Variants in ASB2 observed in about 807,000 individuals in gnomAD.
ASB2 encodes ankyrin repeat and SOCS box containing 2.
ASB2 carries 58 observed loss-of-function variants against 62.4 expected under a neutral mutation model. The ratio of observed to expected loss-of-function variants is 0.93; its 90% CI spans 0.75 to 1.16. ASB2 has a LOEUF of 1.16. Among genes scored for constraint, ASB2 ranks in the 50% most tolerant of loss-of-function variants. The pLI, the probability that ASB2 is intolerant of heterozygous loss-of-function variation, is 0.00. For missense variants in ASB2, 928 were observed against 887.9 expected (o/e 1.05, Z -0.57); for synonymous variants, 386 against 385.3 (o/e 1.00, Z -0.02).
chr14:93,938,998 C>G, intron 8 of ASB2, 110 bp downstream of exon 8: 1 of 991,932 alleles, frequency 1.0e-6, no homozygotes, highest in Non-Finnish European at 1.4e-6. Flanking sequence ...CTAGTCCACG[C>G]TGCTCCCAAG....
At chr14:93,962,998 C>G (rs911581981) in intron 2 of ASB2, among the ~76,000 whole-genome samples, 1 of 152,164 alleles carries the variant, frequency 6.6e-6, no homozygotes, top group East Asian at 1.9e-4. Flanking sequence ...CTGGAGTCTT[C>G]GTACTCTTTC....
At chr14:93,964,648 G>A in intron 1 of ASB2, 36 bp from the exon 2 acceptor site, 1 of 966,114 alleles carries the variant, frequency 1.0e-6, no homozygotes, top group Non-Finnish European at 1.6e-6. Flanking sequence ...GTCACGAACA[G>A]TTTTGCAGGA....
rs757501542 is a variant in ASB2 at position 93,937,831 on chromosome 14, G to A, written c.1638C>T (p.Ala546=). The A allele has an allele frequency of 1.1e-5, 17 of 1,601,972 alleles. No homozygotes were observed. The South Asian group carries it at 1.8e-4, about 17-fold the overall frequency. ...GCCCCGCCCAGCGGCTCACCTCTGG[G>A]GCAGATACGAACTCACAGAACTGAA... ...SVVQFCEFVS[A]PEVSRWAGPI... The change falls in exon 9 of 10, where the codon GCC becomes GCT. Residue 546 remains alanine (A), a synonymous_variant. Coordinates refer to ENST00000555019, the MANE Select transcript of ASB2 (RefSeq NM_001202429.2).
rs1479134109 is a variant in ASB2 at position 93,964,676 on chromosome 14, A to G, written c.-73-64T>C. The G allele has an allele frequency of 1.3e-5, 10 of 746,316 alleles. No homozygotes were observed. The African/African-American group carries it at 1.7e-4, about 13-fold the overall frequency. 46.2% of individuals were successfully genotyped at this position (746,316 alleles called of 1,614,324 possible). A position where few individuals can be genotyped will look rare whatever the true frequency, so the allele number is the denominator to read the frequency against. On this transcript the variant is annotated intron_variant, in intron 1 of 9. Coordinates refer to ENST00000555019, the MANE Select transcript of ASB2 (RefSeq NM_001202429.2). ...TTGCAGGATAGCTATATTTACCCTC[A>G]GGGAAGGGTATGCATTTCACTGACA...
intron 8 of ASB2, 43 bp from the exon 9 acceptor site, chr14:93,937,894 C>A (rs968352743): frequency 6.4e-7 from 1 of 1,552,538 alleles, no homozygotes; most frequent in Non-Finnish European, 8.8e-7. Flanking sequence ...GTTCATCCCA[C>A]CTGCAAGAGC....
chr14:93,942,849 GTGA>G (rs3838359), intron 7 of ASB2, among the ~76,000 whole-genome samples: 40,741 of 150,926 alleles, frequency 0.27, 5,980 homozygotes, highest in East Asian at 0.6. Flanking sequence ...TGTAATAATA[GTGA>G]TGATGATGAT....
chr14:93,956,771 C>G lies in ASB2; in HGVS notation c.306G>C (p.Gln102His). 5 of 1,614,206 alleles carry G rather than the reference C, an allele frequency of 3.1e-6. No homozygotes were observed. The highest frequency in any genetic ancestry group is 3.4e-6 in the Non-Finnish European group (4 of 1,180,034). The change falls in exon 3 of 10, where the codon CAG becomes CAC. Residue 102 changes from glutamine to histidine, a missense_variant. Physicochemically the swap from Gln to His is conservative, Grantham distance 24. Transcript: ENST00000555019. ...GCCAGACAGGAGTCACTTACGCCAG[C>G]TGGGAGGTCTTGAACAAGCTGCTGC... Reference protein sequence around the residue: ...KYSSSLFKTSQLAPADPLIKA... With the variant: ...KYSSSLFKTSHLAPADPLIKA...
chr14:93,952,582 T>C (rs1032599574), intron 5 of ASB2, among the ~76,000 whole-genome samples: 3 of 152,224 alleles, frequency 2.0e-5, no homozygotes, highest in African/African-American at 4.8e-5. Flanking sequence ...CTTTAGAATG[T>C]AGTAGTTGAG....
chr14:93,957,242 G>C (rs1889259297), intron 2 of ASB2: 3 of 1,213,552 alleles, frequency 2.5e-6, no homozygotes, highest in Non-Finnish European at 3.1e-6. Flanking sequence ...CAGGATGAAA[G>C]GGGCTCAGGC....
intron 5 of ASB2, 25 bp downstream of exon 5, chr14:93,953,327 G>A (rs1245538579): frequency 2.0e-6 from 3 of 1,521,996 alleles, no homozygotes; most frequent in Non-Finnish European, 2.7e-6. Flanking sequence ...CCGCAGGAAA[G>A]CTCACTCCGG....
chr14:93,971,284 C>A (rs1248722462), intron 1 of ASB2, among the ~76,000 whole-genome samples: 4 of 150,616 alleles, frequency 2.7e-5, no homozygotes, highest in African/African-American at 9.8e-5. Flanking sequence ...GGAAGGGGAT[C>A]TCCACGCCCT....
At chr14:93,942,471 C>T (rs902494212) in intron 7 of ASB2, among the ~76,000 whole-genome samples, 5 of 152,200 alleles carry the variant, frequency 3.3e-5, no homozygotes, top group African/African-American at 7.2e-5. Flanking sequence ...GACCTCATTC[C>T]GAATCACTGG....
intron 6 of ASB2, among the ~76,000 whole-genome samples, chr14:93,950,148 G>T (rs1211617751): frequency 1.3e-5 from 2 of 152,216 alleles, no homozygotes; most frequent in Non-Finnish European, 2.9e-5. Flanking sequence ...TACGGGGAAA[G>T]CTCCATTGCC....
In ASB2 at chr14:93,939,689, C is replaced by T; in HGVS notation, c.1053-17G>A. ...TGCACGATCCTGCCGGGTCGAGGGG[C>T]GGGCGCGGGTGAGGGGAGGGTCGGG... On this transcript the variant is annotated splice_polypyrimidine_tract_variant and intron_variant, in intron 7 of 9. Coordinates refer to ENST00000555019, the MANE Select transcript of ASB2 (RefSeq NM_001202429.2). The T allele has an allele frequency of 7.7e-7, 1 of 1,295,754 alleles. No homozygotes were observed. Among genetic ancestry groups the T allele is most frequent in the African/African-American group, 1.6e-5 (1 of 63,208 alleles). The allele number at this position is 1,295,754 out of a possible 1,614,324, so 80.3% of individuals were successfully genotyped here.
intron 2 of ASB2, chr14:93,957,115 T>G: frequency 1.4e-6 from 2 of 1,402,184 alleles, no homozygotes; most frequent in Non-Finnish European, 9.2e-7. Flanking sequence ...AAGACAACAA[T>G]GAGGTTAACC....
chr14:93,937,620 A>G (rs1188650388), intron 9 of ASB2, 78 bp downstream of exon 9: 7 of 1,439,844 alleles, frequency 4.9e-6, no homozygotes, highest in Non-Finnish European at 6.6e-6. Flanking sequence ...GGTTAGGAAC[A>G]GTCGCACTCC....
intron 1 of ASB2, among the ~76,000 whole-genome samples, chr14:93,967,694 G>A (rs765465893): frequency 2.0e-5 from 3 of 152,142 alleles, no homozygotes; most frequent in Non-Finnish European, 2.9e-5. Context: ...TCAGCGAGAC[G>A]TTTGGTTTGG....
intron 1 of ASB2, among the ~76,000 whole-genome samples, chr14:93,973,199 G>A (rs1889811430): frequency 2.0e-5 from 3 of 152,054 alleles, no homozygotes; most frequent in Non-Finnish European, 4.4e-5. Context: ...GTCCAAAGCT[G>A]GCTCTGCTCC....
rs373032478 is a variant in ASB2 at position 93,951,384 on chromosome 14, T to A, written c.635-140A>T. 3.9e-6 allele frequency: 4 copies of A among 1,016,718 alleles called. 1 individual carries two copies. Among genetic ancestry groups the A allele is most frequent in the Non-Finnish European group, 1.4e-6 (1 of 711,494 alleles). The allele number at this position is 1,016,718 out of a possible 1,614,324, so 63.0% of individuals were successfully genotyped here. On this transcript the variant is annotated intron_variant, in intron 5 of 9. Transcript: ENST00000555019. ...TGTGTATTAAGTTCCAATCCCTGCATTGAACCTGGGATAGGCGACTAAAAG... is the reference window on the plus strand; with the variant it reads ...TGTGTATTAAGTTCCAATCCCTGCAATGAACCTGGGATAGGCGACTAAAAG...
Sources: allele counts gnomAD v4.1 joint callset (sites outside exome capture counted in the v4.1 genomes callset), GRCh38; gene constraint gnomAD v4.1.1; transcripts MANE v1.5; gene names NCBI Gene and HGNC (gene_info 2026-07-23, HGNC 2026-07-21).